Variants in ANXA13 observed in about 807,000 individuals in gnomAD.
ANXA13 encodes annexin A13, also known as annexin XIII.
A neutral mutation model predicts 46.6 loss-of-function variants in ANXA13; 36 were observed. The ratio of observed to expected loss-of-function variants is 0.77; its 90% CI spans 0.59 to 1.02. The LOEUF is 1.02. Among genes scored for constraint, ANXA13 ranks in the 50% least tolerant of loss-of-function variants. The pLI is 0.00. For synonymous variants in ANXA13, 163 were observed against 152.9 expected (o/e 1.07, Z -0.49); for missense variants, 417 against 396.5 (o/e 1.05, Z -0.44).
At position 123,697,370 on chromosome 8, in the gene ANXA13, C is replaced by A. The variant is rs550109894; in HGVS notation, c.357+1019G>T. ...GGCCTCAACTCACACTCCCGGGGGG[C>A]CTGTGCTAACCCTCCTCCGAAGCAT... On this transcript the variant is annotated intron_variant, in intron 4 of 10. Transcript: ENST00000419625. 5.9e-5 allele frequency among the ~76,000 whole-genome samples: 9 copies of A among 152,216 alleles called. No homozygotes were observed. The South Asian group carries it at 1.9e-3, about 32-fold the overall frequency.
intron 1 of ANXA13, among the ~76,000 whole-genome samples, chr8:123,718,842 G>A (rs148140073): frequency 6.6e-6 from 1 of 152,342 alleles, no homozygotes; most frequent in African/African-American, 2.4e-5. Context: ...ATGACTCAGG[G>A]ATGTTCCTGC....
chr8:123,682,239 T>G (rs1813051993), intron 10 of ANXA13, among the ~76,000 whole-genome samples: 1 of 152,222 alleles, frequency 6.6e-6, no homozygotes, highest in African/African-American at 2.4e-5. Context: ...TCTAATTTAT[T>G]GGAAGCTTGA....
rs151208437 is a variant in ANXA13, at chr8:123,735,807, A to C, written c.15+1513T>G. On this transcript the variant is annotated intron_variant, in intron 1 of 10. Coordinates refer to ENST00000419625, the MANE Select transcript of ANXA13 (RefSeq NM_004306.4). ...CCGTGATGGGTGGCTGAGAGGCTGC[A>C]CGACTGTCGAGGGTTGGGAGTCCCC... The C allele has an allele frequency of 4.1e-4, 659 of 1,612,794 alleles. 1 individual carries two copies. The African/African-American group carries it at 7.5e-3, about 18-fold the overall frequency.
At chr8:123,704,491 G>A (rs1243792120) in intron 2 of ANXA13, among the ~76,000 whole-genome samples, 1 of 151,868 alleles carries the variant, frequency 6.6e-6, no homozygotes, top group Non-Finnish European at 1.5e-5. Context: ...CCACCTCCTG[G>A]GTTCAAACAA....
At chr8:123,684,851 T>C (rs1813111482) in intron 9 of ANXA13, 129 bp from the exon 10 acceptor site, 2 of 668,126 alleles carry the variant, frequency 3.0e-6, no homozygotes, top group Non-Finnish European at 5.4e-6. Flanking sequence ...TGAAAAGAGC[T>C]GACTTGACAC....
intron 1 of ANXA13, among the ~76,000 whole-genome samples, chr8:123,721,682 A>C (rs1343835315): frequency 1.3e-5 from 2 of 152,244 alleles, no homozygotes; most frequent in Non-Finnish European, 2.9e-5. Context: ...TACTCATAGA[A>C]AAAGAGTAGC....
At chr8:123,710,002 A>C (rs911768678) in intron 2 of ANXA13, among the ~76,000 whole-genome samples, 12 of 152,098 alleles carry the variant, frequency 7.9e-5, no homozygotes, top group Non-Finnish European at 1.5e-4. Flanking sequence ...CAGGTGATCC[A>C]CCTGCCTTGG....
chr8:123,736,466 C>T (rs1194255371), intron 1 of ANXA13, among the ~76,000 whole-genome samples: 1 of 152,152 alleles, frequency 6.6e-6, no homozygotes, highest in Non-Finnish European at 1.5e-5. Flanking sequence ...ACACACTATT[C>T]AGGAGCCTAA....
intron 10 of ANXA13, among the ~76,000 whole-genome samples, chr8:123,683,883 G>T (rs1586309503): frequency 6.6e-6 from 1 of 152,218 alleles, no homozygotes; most frequent in East Asian, 1.9e-4. Flanking sequence ...CATTGCACCC[G>T]ACCAGCTGTG....
intron 2 of ANXA13, among the ~76,000 whole-genome samples, chr8:123,706,645 T>C (rs868263047): frequency 6.6e-6 from 1 of 152,218 alleles, no homozygotes; most frequent in South Asian, 2.1e-4. Context: ...TCTCACTTTT[T>C]CCAATTGGCA....
intron 1 of ANXA13, among the ~76,000 whole-genome samples, chr8:123,714,563 A>G (rs1389073248): frequency 6.6e-6 from 1 of 152,220 alleles, no homozygotes; most frequent in East Asian, 1.9e-4. Context: ...GTCTAAGTTA[A>G]TATGAGTTGG....
intron 1 of ANXA13, among the ~76,000 whole-genome samples, chr8:123,724,947 G>T (rs1425790593): frequency 6.6e-6 from 1 of 152,148 alleles, no homozygotes; most frequent in African/African-American, 2.4e-5. Flanking sequence ...TTACCTACTT[G>T]CACCAGAGGT....
At chr8:123,712,351 G>T (rs1443872723) in intron 2 of ANXA13, 1 of 292,776 alleles carries the variant, frequency 3.4e-6, no homozygotes, top group African/African-American at 2.1e-5. Flanking sequence ...ACCCCACCTC[G>T]GGTATGTCTT....
Position 123,693,766 on chromosome 8 carries a change from TC to T in ANXA13, c.484del (p.Glu162LysfsTer9), listed in dbSNP as rs868002260. On this transcript the variant is annotated frameshift_variant, in exon 7 of 11. Coordinates refer to ENST00000419625, the MANE Select transcript of ANXA13 (RefSeq NM_004306.4). LOFTEE classifies it high-confidence loss of function. ...LVSLLQANRN[E>X]GDDVDKDLAG... Reference sequence around the variant, plus strand: ...TAGATCTTTGTCCACGTCATCTCCTTCATTGCGATTAGCCTAGAAAAATTGA... The same window carrying T: ...TAGATCTTTGTCCACGTCATCTCCTTATTGCGATTAGCCTAGAAAAATTGA... The T allele has an allele frequency of 6.2e-7, 1 of 1,614,004 alleles. No homozygotes were observed. Among genetic ancestry groups the T allele is most frequent in the African/African-American group, 1.3e-5 (1 of 74,926 alleles).
At chr8:123,732,416 G>A (rs1814135831) in intron 1 of ANXA13, among the ~76,000 whole-genome samples, 1 of 152,104 alleles carries the variant, frequency 6.6e-6, no homozygotes, top group Admixed American at 6.5e-5. Context: ...TAACATTTCA[G>A]AAGATCTCGT....
At chr8:123,710,145 T>C (rs16898765) in intron 2 of ANXA13, among the ~76,000 whole-genome samples, 3,777 of 152,266 alleles carry the variant, frequency 0.025, 160 homozygotes, top group African/African-American at 0.083. Context: ...TACAAAAAAT[T>C]TGTGGCCATA....
At chr8:123,696,560 C>A (rs13249639) in intron 4 of ANXA13, among the ~76,000 whole-genome samples, 1 of 151,566 alleles carries the variant, frequency 6.6e-6, no homozygotes, top group Non-Finnish European at 1.5e-5. Flanking sequence ...GCTCCCCCAC[C>A]CCCCCCACCA....
chr8:123,691,261 A>G (rs1813235161), intron 8 of ANXA13, among the ~76,000 whole-genome samples: 1 of 152,208 alleles, frequency 6.6e-6, no homozygotes, highest in South Asian at 2.1e-4. Flanking sequence ...GTCAGAAGCC[A>G]TCAGAAAAAT....
chr8:123,735,609 G>T, intron 1 of ANXA13: 1 of 1,079,194 alleles, frequency 9.3e-7, no homozygotes, highest in Non-Finnish European at 1.3e-6. Flanking sequence ...TTTTTGCAGG[G>T]AAAGATTTCC....
Sources: gnomAD v4.1 joint callset for allele counts (sites outside exome capture counted in the v4.1 genomes callset) on GRCh38, gnomAD v4.1.1 for gene constraint, MANE v1.5 for transcripts, NCBI Gene and HGNC (gene_info 2026-07-23, HGNC 2026-07-21) for gene names.